RBFOX1: variants seen among roughly 807,000 people sequenced by gnomAD.
The protein encoded by RBFOX1 is RNA binding fox-1 homolog 1, also known as RNA binding protein fox-1 homolog 1.
A neutral mutation model predicts 57.7 loss-of-function variants in RBFOX1; 8 were observed. The observed-to-expected ratio is 0.14, with a 90% CI of 0.08 to 0.25. The LOEUF is 0.25. Ranked by LOEUF, RBFOX1 falls within the 10% of genes least tolerant of loss-of-function variation. RBFOX1 has a pLI of 1.00. For synonymous variants in RBFOX1, 326 were observed against 222.4 expected (o/e 1.47, Z -4.15); for missense variants, 611 against 548.5 (o/e 1.11, Z -1.14).
At chr16:7,475,309 C>CTT (rs753509713) in intron 4 of RBFOX1, among the ~76,000 whole-genome samples, 1,646 of 132,744 alleles carry the variant, frequency 0.012, 30 homozygotes, top group African/African-American at 0.043. Flanking sequence ...GATGGGCATT[C>CTT]TTTTTTTTTT....
intron 3 of RBFOX1, among the ~76,000 whole-genome samples, chr16:7,016,197 G>T (rs1232077494): frequency 6.6e-6 from 1 of 152,144 alleles, no homozygotes; most frequent in South Asian, 2.1e-4. Flanking sequence ...CCTTTGTTGA[G>T]ATCAGGAAAT....
chr16:6,919,710 G>C (rs1259452213), intron 3 of RBFOX1, among the ~76,000 whole-genome samples: 1 of 149,370 alleles, frequency 6.7e-6, no homozygotes. Context: ...CTGATATATT[G>C]TATGTTATAG....
At chr16:5,592,759 C>A (rs1253953907) in intron 2 of RBFOX1, among the ~76,000 whole-genome samples, 4 of 152,220 alleles carry the variant, frequency 2.6e-5, no homozygotes, top group South Asian at 4.1e-4. Context: ...GTTCATCCAA[C>A]AGCCATGATC....
At chr16:6,121,115 GGA>G (rs1436848846) in intron 1 of RBFOX1, among the ~76,000 whole-genome samples, 1 of 152,132 alleles carries the variant, frequency 6.6e-6, no homozygotes, top group Non-Finnish European at 1.5e-5. Context: ...TGGCCTGTTG[GGA>G]GTGTGCACCT....
At chr16:7,097,539 T>C (rs1347152842) in intron 4 of RBFOX1, among the ~76,000 whole-genome samples, 1 of 152,210 alleles carries the variant, frequency 6.6e-6, no homozygotes, top group African/African-American at 2.4e-5. Flanking sequence ...TGTGGAATCA[T>C]TTCTTTCTAG....
At chr16:6,047,516 G>A (rs927003003) in intron 1 of RBFOX1, among the ~76,000 whole-genome samples, 3 of 152,236 alleles carry the variant, frequency 2.0e-5, no homozygotes, top group Admixed American at 6.5e-5. Context: ...TGATGAGCAT[G>A]CAATGCCTGG....
chr16:6,455,263 C>G (rs368181165), intron 2 of RBFOX1, among the ~76,000 whole-genome samples: 7 of 152,194 alleles, frequency 4.6e-5, no homozygotes, highest in African/African-American at 1.7e-4. Flanking sequence ...AATCTTCAGT[C>G]TACTGGTGTC....
At chr16:7,680,198 C>G (rs1295039958) in intron 14 of RBFOX1, among the ~76,000 whole-genome samples, 1 of 152,134 alleles carries the variant, frequency 6.6e-6, no homozygotes, top group Non-Finnish European at 1.5e-5. Context: ...GCAGGCTTCT[C>G]TTTATTGATT....
intron 2 of RBFOX1, among the ~76,000 whole-genome samples, chr16:6,575,053 A>C (rs1274645276): frequency 6.6e-6 from 1 of 151,582 alleles, no homozygotes; most frequent in Non-Finnish European, 1.5e-5. Flanking sequence ...AAAAAAAAAA[A>C]AAAAAAAAAC....
intron 1 of RBFOX1, among the ~76,000 whole-genome samples, chr16:5,415,876 C>T (rs550122573): frequency 2.0e-5 from 3 of 152,268 alleles, no homozygotes; most frequent in Non-Finnish European, 2.9e-5. Context: ...AGGCCGGTTT[C>T]CCAGGGCAAA....
intron 1 of RBFOX1, among the ~76,000 whole-genome samples, chr16:6,070,461 A>C (rs2095822345): frequency 6.6e-6 from 1 of 152,140 alleles, no homozygotes; most frequent in African/African-American, 2.4e-5. Flanking sequence ...CATAGCCCAA[A>C]CTTTCGTGGT....
chr16:7,040,894 T>G (rs1798459196), intron 3 of RBFOX1, among the ~76,000 whole-genome samples: 1 of 139,912 alleles, frequency 7.1e-6, no homozygotes, highest in South Asian at 2.5e-4. Context: ...AAGTTTTTTT[T>G]TTGTTTTGTT....
chr16:6,860,026 A>G (rs974984696), intron 3 of RBFOX1, among the ~76,000 whole-genome samples: 1 of 152,174 alleles, frequency 6.6e-6, no homozygotes, highest in Non-Finnish European at 1.5e-5. Context: ...TAACACCACA[A>G]GGGTACCTGA....
intron 4 of RBFOX1, among the ~76,000 whole-genome samples, chr16:7,094,771 T>TGTGTGTGTGG (rs945776849): frequency 2.1e-5 from 3 of 140,844 alleles, no homozygotes; most frequent in South Asian, 2.3e-4. Flanking sequence ...TGTGTGTGTG[T>TGTGTGTGTGG]GTGTGGGTGT....
chr16:7,074,834 A>G lies in RBFOX1; in HGVS notation c.27+22736A>G, dbSNP rs530359191. Among the ~76,000 whole-genome samples, 42 of 152,278 alleles carry G rather than the reference A, an allele frequency of 2.8e-4. 2 individuals carry two copies. The Middle Eastern group carries it at 0.01, about 37-fold the overall frequency. ...GCATTTTCTTTTGGAAAAGAGATCTATATTTGTCTATTGCGCAACATATCT... is the reference window on the plus strand; with the variant it reads ...GCATTTTCTTTTGGAAAAGAGATCTGTATTTGTCTATTGCGCAACATATCT... On this transcript the variant is annotated intron_variant, in intron 4 of 15. Transcript: ENST00000550418.
chr16:6,853,714 T>A (rs569000236), intron 3 of RBFOX1, among the ~76,000 whole-genome samples: 17 of 152,292 alleles, frequency 1.1e-4, no homozygotes, highest in African/African-American at 3.4e-4. Context: ...TGGATTCGTT[T>A]ACCAGTAGAC....
At chr16:7,082,114 C>T (rs1442526848) in intron 4 of RBFOX1, among the ~76,000 whole-genome samples, 1 of 152,148 alleles carries the variant, frequency 6.6e-6, no homozygotes, top group Non-Finnish European at 1.5e-5. Flanking sequence ...CTCTGGAGAT[C>T]ACTCCTTGGT....
At chr16:6,560,596 C>T (rs1385559429) in intron 2 of RBFOX1, among the ~76,000 whole-genome samples, 1 of 152,150 alleles carries the variant, frequency 6.6e-6, no homozygotes, top group Non-Finnish European at 1.5e-5. Flanking sequence ...GGAGGAGGTG[C>T]AAACCACTTA....
At chr16:5,856,218 T>C (rs1320416040) in intron 3 of RBFOX1, among the ~76,000 whole-genome samples, 673 of 17,296 alleles carry the variant, frequency 0.039, 24 homozygotes, top group East Asian at 0.097. Flanking sequence ...CATATATATG[T>C]ATATATATAT....
Sources: gnomAD v4.1 joint callset for allele counts (sites outside exome capture counted in the v4.1 genomes callset) on GRCh38, gnomAD v4.1.1 for gene constraint, MANE v1.5 for transcripts, NCBI Gene and HGNC (gene_info 2026-07-23, HGNC 2026-07-21) for gene names.